CACNG7: variants seen among roughly 807,000 people sequenced by gnomAD.
The protein encoded by CACNG7 is voltage-dependent calcium channel gamma-7 subunit.
CACNG7 carries 9 observed loss-of-function variants against 26.3 expected under a neutral mutation model. The observed-to-expected ratio is 0.34, with a 90% CI of 0.21 to 0.60. CACNG7 has a LOEUF of 0.60. Among genes scored for constraint, CACNG7 ranks in the 20% least tolerant of loss-of-function variants. The probability of loss-of-function intolerance (pLI) is 0.81; values close to 1 mark genes in which losing one functional copy is unlikely to be tolerated. For missense variants in CACNG7, 297 were observed against 380.4 expected (o/e 0.78, Z 1.82); for synonymous variants, 170 against 157.0 (o/e 1.08, Z -0.62).
At chr19:53,930,187 C>T (rs2069061724) in intron 4 of CACNG7, among the ~76,000 whole-genome samples, 1 of 149,092 alleles carries the variant, frequency 6.7e-6, no homozygotes. Flanking sequence ...CTCTATCTCT[C>T]TATCTTTCCC....
intron 4 of CACNG7, among the ~76,000 whole-genome samples, chr19:53,931,804 C>T (rs917754328): frequency 1.4e-5 from 2 of 144,740 alleles, no homozygotes; most frequent in African/African-American, 5.1e-5. Flanking sequence ...CTCTGTCGCC[C>T]AGGTTGGAGT....
chr19:53,920,852 G>C (rs1308599801), intron 4 of CACNG7, among the ~76,000 whole-genome samples: 13 of 102,442 alleles, frequency 1.3e-4, no homozygotes, highest in African/African-American at 6.7e-4. Context: ...GGTATTGGTG[G>C]AGTTGCCCCA....
intron 4 of CACNG7, 95 bp from the exon 5 acceptor site, chr19:53,941,375 C>A: frequency 7.2e-7 from 1 of 1,384,264 alleles, no homozygotes; most frequent in South Asian, 1.6e-5. Context: ...TAGTCCAGGA[C>A]AGAATGGGGA....
At chr19:53,920,795 G>A (rs569061348) in intron 4 of CACNG7, among the ~76,000 whole-genome samples, 49 of 99,226 alleles carry the variant, frequency 4.9e-4, no homozygotes, top group African/African-American at 2.7e-3. Flanking sequence ...GCTGGTCATT[G>A]GTGGACTTGC....
At chr19:53,923,440 G>A (rs78122437) in intron 4 of CACNG7, among the ~76,000 whole-genome samples, 1 of 82,606 alleles carries the variant, frequency 1.2e-5, no homozygotes, top group Admixed American at 1.2e-4. Context: ...TGGTGGAGTT[G>A]TCCCCAGGCC....
intron 4 of CACNG7, 71 bp downstream of exon 4, chr19:53,915,576 T>G: frequency 6.4e-7 from 1 of 1,561,002 alleles, no homozygotes; most frequent in Non-Finnish European, 8.8e-7. Context: ...CTTTTCCACT[T>G]AGCCACTTCC....
In CACNG7 at chr19:53,912,157, C is replaced by G. The variant is rs755710772; in HGVS notation, c.-29-646C>G. 6.6e-6 allele frequency among the ~76,000 whole-genome samples: 1 copy of G among 152,176 alleles called. No homozygotes were observed. Among genetic ancestry groups the G allele is most frequent in the Non-Finnish European group, 1.5e-5 (1 of 68,038 alleles). The stretch of plus-strand genomic sequence containing the variant: ...CAGGGTTCAAGCCCAATGCCCTGTG[C>G]TCTGGGATCTAGGTCCTGGCTCAGA... On this transcript the variant is annotated intron_variant, in intron 1 of 5. Coordinates refer to ENST00000391767, the MANE Select transcript of CACNG7 (RefSeq NM_031896.5). The surrounding 1 kb of genome is among the most constrained non-coding windows in gnomAD (Gnocchi z 4.6).
chr19:53,922,667 AGGCT>A (rs2068971646), intron 4 of CACNG7, among the ~76,000 whole-genome samples: 2 of 66,126 alleles, frequency 3.0e-5, no homozygotes, highest in South Asian at 1.2e-3. Flanking sequence ...CAGTTGTCCC[AGGCT>A]GGTCATTGGT....
At chr19:53,932,280 A>C (rs1418730864) in intron 4 of CACNG7, among the ~76,000 whole-genome samples, 8 of 151,074 alleles carry the variant, frequency 5.3e-5, no homozygotes, top group Non-Finnish European at 1.0e-4. Flanking sequence ...AAAGAATTAA[A>C]AAATAAAATA....
chr19:53,914,532 T>C lies in CACNG7; in HGVS notation c.229T>C (p.Tyr77His), dbSNP rs1277543549. The change falls in exon 3 of 6, where the codon TAT (tyrosine) becomes CAT (histidine). Residue 77 changes from tyrosine to histidine, a missense_variant. Tyr to His is a moderately conservative substitution (Grantham distance 83). Transcript: ENST00000391767. ...REKGRCVASEYFLEPEINLVT... is the reference protein window; with the variant it reads ...REKGRCVASEHFLEPEINLVT... ...GAAAGGTCGCTGTGTGGCCTCAGAATATTTTCTTGAACCGGAGATCAATTT... is the reference window on the plus strand; with the variant it reads ...GAAAGGTCGCTGTGTGGCCTCAGAACATTTTCTTGAACCGGAGATCAATTT... 1.1e-5 allele frequency: 18 copies of C among 1,614,088 alleles called. No homozygotes were observed. The highest frequency in any genetic ancestry group is 1.5e-5 in the Non-Finnish European group (18 of 1,180,016).
At chr19:53,921,400 T>G (rs530345135) in intron 4 of CACNG7, among the ~76,000 whole-genome samples, 3 of 123,804 alleles carry the variant, frequency 2.4e-5, no homozygotes, top group African/African-American at 9.8e-5. Flanking sequence ...TTGCCCCAGG[T>G]CTGGTCATTG....
chr19:53,941,745 G>C, intron 5 of CACNG7, 130 bp downstream of exon 5: 1 of 1,197,516 alleles, frequency 8.4e-7, no homozygotes, highest in Non-Finnish European at 1.2e-6. Context: ...GGTAGCTGAG[G>C]GTCTAACCCC....
rs763276259 is a variant in CACNG7 at position 53,939,323 on chromosome 19, T to C, written c.425-2147T>C. Among the ~76,000 whole-genome samples, 3 of 152,160 alleles carry C rather than the reference T, an allele frequency of 2.0e-5. No homozygotes were observed. The highest frequency in any genetic ancestry group is 2.0e-4 in the Admixed American group (3 of 15,268). ...TCACATACTATAAATTTCATATAAT[T>C]CAGTGATGTTTCAGTACATCCACAA... On this transcript the variant is annotated intron_variant, in intron 4 of 5. Transcript: ENST00000391767. This position sits in a 1 kb window ranked among gnomAD's most constrained non-coding sequence, Gnocchi z 4.2.
intron 4 of CACNG7, among the ~76,000 whole-genome samples, chr19:53,933,107 C>A (rs539104200): frequency 6.6e-6 from 1 of 151,882 alleles, no homozygotes; most frequent in East Asian, 1.9e-4. Flanking sequence ...AGCCACTGAG[C>A]CCAGCCTTTT....
rs772624477 is a variant in CACNG7 at position 53,942,057 on chromosome 19, T to C, written c.592T>C (p.Tyr198His). The change falls in exon 6 of 6, where the codon TAC (tyrosine) becomes CAC (histidine). Residue 198 changes from tyrosine to histidine, a missense_variant. Physicochemically the swap from Tyr to His is moderately conservative, Grantham distance 83. Transcript: ENST00000391767. The surrounding 1 kb of genome is among the most constrained non-coding windows in gnomAD (Gnocchi z 5.9). ...GCAGGGGGCCGGCGTGATGTCCGTGTACCTGTTCACCAAGCGCTACGCGGA... is the reference window on the plus strand; with the variant it reads ...GCAGGGGGCCGGCGTGATGTCCGTGCACCTGTTCACCAAGCGCTACGCGGA... ...LKEGAGVMSV[Y>H]LFTKRYAEEE... 2 of 1,611,506 alleles carry C rather than the reference T, an allele frequency of 1.2e-6. No individual in the cohort carries two copies. Among genetic ancestry groups the C allele is most frequent in the South Asian group, 2.2e-5 (2 of 90,846 alleles).
intron 4 of CACNG7, among the ~76,000 whole-genome samples, chr19:53,923,820 C>A (rs796797732): frequency 9.4e-6 from 1 of 106,356 alleles, no homozygotes; most frequent in Non-Finnish European, 1.8e-5. Flanking sequence ...TGGAGTTGCC[C>A]CAGGTCTGGT....
chr19:53,926,910 C>G (rs2069035386), intron 4 of CACNG7, among the ~76,000 whole-genome samples: 2 of 152,114 alleles, frequency 1.3e-5, no homozygotes, highest in African/African-American at 4.8e-5. Flanking sequence ...AAGACTCTGT[C>G]TCAGAAAAAA....
Position 53,942,412 on chromosome 19 carries a change from G to T in CACNG7, c.*119G>T, listed in dbSNP as rs1350212141. Reference sequence around the variant, plus strand: ...CTCGCTCCCACCCGGAGGAGGCTGCGCCAGCTTTAGGCCCCGCCCTCCTCC... The same window carrying T: ...CTCGCTCCCACCCGGAGGAGGCTGCTCCAGCTTTAGGCCCCGCCCTCCTCC... On this transcript the variant is annotated 3_prime_UTR_variant, in exon 6 of 6. Transcript: ENST00000391767. This position sits in a 1 kb window ranked among gnomAD's most constrained non-coding sequence, Gnocchi z 5.9. The T allele has an allele frequency of 6.6e-7, 1 of 1,505,198 alleles. No individual in the cohort carries two copies. The allele number at this position is 1,505,198 out of a possible 1,614,324, so 93.2% of individuals were successfully genotyped here.
intron 4 of CACNG7, among the ~76,000 whole-genome samples, chr19:53,931,188 C>T (rs900157978): frequency 2.0e-5 from 3 of 152,118 alleles, no homozygotes; most frequent in African/African-American, 7.2e-5. Context: ...AGAGCCAGAT[C>T]TTGTCTCTAA....
Sources: allele counts gnomAD v4.1 joint callset (sites outside exome capture counted in the v4.1 genomes callset), GRCh38; gene constraint gnomAD v4.1.1; non-coding constraint Gnocchi (gnomAD v3.1); transcripts MANE v1.5; gene names NCBI Gene and HGNC (gene_info 2026-07-23, HGNC 2026-07-21).